Variants in PLXNB1 observed in about 807,000 individuals in gnomAD.
The protein encoded by PLXNB1 is plexin-B1.
In PLXNB1, 106 loss-of-function variants were observed where a neutral mutation model predicts 209.4. The observed-to-expected ratio is 0.51, with a 90% CI of 0.43 to 0.59. The LOEUF (loss-of-function observed/expected upper bound fraction) is 0.59, where lower values mean the gene tolerates loss of function less well. Ranked by LOEUF, PLXNB1 falls within the 20% of genes least tolerant of loss-of-function variation. PLXNB1 has a pLI of 0.00. For synonymous variants in PLXNB1, 1,167 were observed against 1,183.2 expected (o/e 0.99, Z 0.28); for missense variants, 2,357 against 2,853.2 (o/e 0.83, Z 3.96).
At position 48,419,717 on chromosome 3, in the gene PLXNB1, C is replaced by A. The variant is rs2038360839; in HGVS notation, c.2569G>T (p.Gly857Trp). The change falls in exon 11 of 38, where the codon GGG (glycine) becomes TGG (tryptophan). Residue 857 changes from glycine to tryptophan, a missense_variant. Physicochemically the swap from Gly to Trp is radical, Grantham distance 184 (BLOSUM62 -2). Around this residue, in one of 7 missense-constraint regions of PLXNB1, gnomAD observed 410 missense variants for 401.0 expected, o/e 1.02. Coordinates refer to ENST00000296440, the MANE Select transcript of PLXNB1 (RefSeq NM_001130082.3). This position sits in a 1 kb window ranked among gnomAD's most constrained non-coding sequence, Gnocchi z 5.7. ...GELPEADEWT[G>W]GDAPAFSTST... is the part of the protein sequence containing the mutation. The stretch of plus-strand genomic sequence containing the variant: ...GTGGAGAAGGCGGGTGCGTCACCCC[C>A]CGTCCACTCGTCCGCCTCGGGCAGC... 2 of 1,611,856 alleles carry A rather than the reference C, an allele frequency of 1.2e-6. No individual in the cohort carries two copies. Among genetic ancestry groups the A allele is most frequent in the Non-Finnish European group, 1.7e-6 (2 of 1,179,746 alleles).
At position 48,413,017 on chromosome 3, in the gene PLXNB1, G is replaced by A; in HGVS notation, c.4636+52C>T. On this transcript the variant is annotated intron_variant, in intron 24 of 37. Coordinates refer to ENST00000296440, the MANE Select transcript of PLXNB1 (RefSeq NM_001130082.3). The surrounding 1 kb of genome is among the most constrained non-coding windows in gnomAD (Gnocchi z 5.4). Reference sequence around the variant, plus strand: ...GTTAAGCACCAATCCCGTGTGATGGGAGTGGGTTTGGGCAGAGTTCTGGAG... The same window carrying A: ...GTTAAGCACCAATCCCGTGTGATGGAAGTGGGTTTGGGCAGAGTTCTGGAG... The A allele has an allele frequency of 2.5e-6, 4 of 1,607,420 alleles. No homozygotes were observed. Among genetic ancestry groups the A allele is most frequent in the Non-Finnish European group, 3.4e-6 (4 of 1,173,958 alleles).
chr3:48,405,751 G>A lies in PLXNB1; in HGVS notation c.6276C>T (p.Tyr2092=). 2 of 1,613,796 alleles carry A rather than the reference G, an allele frequency of 1.2e-6. No homozygotes were observed. Among genetic ancestry groups the A allele is most frequent in the South Asian group, 2.2e-5 (2 of 91,066 alleles). Residue 2092 remains tyrosine, a synonymous_variant, in exon 37 of 38, where the codon TAC becomes TAT. Transcript: ENST00000296440. This position sits in a 1 kb window ranked among gnomAD's most constrained non-coding sequence, Gnocchi z 5.0. The part of the protein sequence containing the change: ...LGARVALHEL[Y]KYINKYYDQI... Reference sequence around the variant, plus strand: ...GGTCATAGTACTTGTTGATGTACTTGTAGAGTTCATGCAGGGCCACTCGCG... The same window carrying A: ...GGTCATAGTACTTGTTGATGTACTTATAGAGTTCATGCAGGGCCACTCGCG...
At position 48,422,795 on chromosome 3, in the gene PLXNB1, G is replaced by A. The variant is rs774165985; in HGVS notation, c.1260C>T (p.Phe420=). ...VTMEDGHTIA[F]LGDSQGQLHR... is the part of the protein sequence containing the mutation. ...GCAGCTGCCCTTGACTATCACCCAG[G>A]AAAGCGATGGTGTGTCCATCTTCCA... Residue 420 remains phenylalanine (F), a synonymous_variant, in exon 4 of 38, where the codon TTC becomes TTT. Transcript: ENST00000296440. The A allele has an allele frequency of 1.2e-6, 2 of 1,614,086 alleles. No homozygotes were observed. The highest frequency in any genetic ancestry group is 2.2e-5 in the East Asian group (1 of 44,886).
At position 48,420,941 on chromosome 3, in the gene PLXNB1, C is replaced by A; in HGVS notation, c.1826G>T (p.Ser609Ile). The stretch of plus-strand genomic sequence containing the variant: ...AACAGCGCCAAATCTGAGCTCCACG[C>A]TCACGGATACGTAGTCTGCAGAGGG... ...LPRGADYVSV[S>I]VELRFGAVVI... is the part of the protein sequence containing the mutation. Residue 609 changes from serine to isoleucine, a missense_variant, in exon 9 of 38, where the codon AGC (serine) becomes ATC (isoleucine). By Grantham distance (142) the Ser-to-Ile change is moderately radical. Transcript: ENST00000296440. 1 of 1,613,694 alleles carries A rather than the reference C, an allele frequency of 6.2e-7. No homozygotes were observed.
At position 48,423,748 on chromosome 3, in the gene PLXNB1, C is replaced by T. The variant is rs758795276; in HGVS notation, c.864G>A (p.Ala288=). The T allele has an allele frequency of 2.2e-5, 35 of 1,613,752 alleles. No homozygotes were observed. The highest frequency in any genetic ancestry group is 3.3e-5 in the Admixed American group (2 of 60,010). Residue 288 remains alanine (A), a synonymous_variant, in exon 3 of 38, where the codon GCG becomes GCA. Transcript: ENST00000296440. ...AAGCTGCAAAGAGCACCTCCCCATG[C>T]GCCACCTCCCTGGACGTGGCCACAG... ...AAAVATSREV[A]HGEVLFAAFS...
In PLXNB1 at chr3:48,414,009, G is replaced by A; in HGVS notation, c.4272C>T (p.Pro1424=). 6.2e-7 allele frequency: 1 copy of A among 1,613,974 alleles called. No individual in the cohort carries two copies. The highest frequency in any genetic ancestry group is 2.2e-5 in the East Asian group (1 of 44,884). Residue 1424 remains proline (P), a synonymous_variant, in exon 22 of 38, where the codon CCC becomes CCT. Transcript: ENST00000296440. The stretch of plus-strand genomic sequence containing the variant: ...GCCGCGTCAGCGTCTTCACCACACA[G>A]GGGCCATCCCCTATCATAGCCACCA... The part of the protein sequence containing the change: ...EEVVAMIGDG[P]CVVKTLTRHH...
rs1355726345 is a variant in PLXNB1 at position 48,418,406 on chromosome 3, G to T, written c.3049+43C>A. The T allele has an allele frequency of 1.2e-6, 2 of 1,612,960 alleles. No homozygotes were observed. The highest frequency in any genetic ancestry group is 1.6e-4 in the Middle Eastern group (1 of 6,084). On this transcript the variant is annotated intron_variant, in intron 14 of 37. Transcript: ENST00000296440. This position sits in a 1 kb window ranked among gnomAD's most constrained non-coding sequence, Gnocchi z 6.6. ...ACACGTGAGAGGCAGGCCTGGGAGA[G>T]CCCTGCTACCACCGCCAGCCCAGCA...
Position 48,410,744 on chromosome 3 carries a change from C to T in PLXNB1, c.5416+124G>A, listed in dbSNP as rs2037625835. ...CTGTCCAAGAAAGATGTTCCAAAGCCAGCTTCTGCCTGCCTCCCAGCATCC... is the reference window on the plus strand; with the variant it reads ...CTGTCCAAGAAAGATGTTCCAAAGCTAGCTTCTGCCTGCCTCCCAGCATCC... On this transcript the variant is annotated intron_variant, in intron 29 of 37. Transcript: ENST00000296440. This position sits in a 1 kb window ranked among gnomAD's most constrained non-coding sequence, Gnocchi z 6.4. 3.7e-6 allele frequency: 4 copies of T among 1,068,142 alleles called. No homozygotes were observed. Among genetic ancestry groups the T allele is most frequent in the Non-Finnish European group, 5.4e-6 (4 of 739,764 alleles). The allele number at this position is 1,068,142 out of a possible 1,614,324, so 66.2% of individuals were successfully genotyped here. A position where few individuals can be genotyped will look rare whatever the true frequency, so the allele number is the denominator to read the frequency against.
At chr3:48,407,172 T>C in intron 34 of PLXNB1, 81 bp from the exon 35 acceptor site, 1 of 1,277,562 alleles carries the variant, frequency 7.8e-7, no homozygotes, top group South Asian at 1.2e-5. Flanking sequence ...GTCCTGGGTT[T>C]CCCAGTACTG....
chr3:48,421,427 G>C lies in PLXNB1; in HGVS notation c.1654-43C>G, dbSNP rs754461100. ...GACACACTGTTGGGGCTAGTGGGCA[G>C]CAGACCAGGGCTCACATTTATGGGA... On this transcript the variant is annotated intron_variant, in intron 7 of 37. Coordinates refer to ENST00000296440, the MANE Select transcript of PLXNB1 (RefSeq NM_001130082.3). 6 of 1,507,660 alleles carry C rather than the reference G, an allele frequency of 4.0e-6. No homozygotes were observed. The South Asian group carries it at 8.1e-5, about 20-fold the overall frequency. 93.4% of individuals were successfully genotyped at this position (1,507,660 alleles called of 1,614,324 possible).
At position 48,418,364 on chromosome 3, in the gene PLXNB1, C is replaced by T; in HGVS notation, c.3050-1G>A. The T allele has an allele frequency of 6.2e-7, 1 of 1,613,658 alleles. No homozygotes were observed. The highest frequency in any genetic ancestry group is 8.5e-7 in the Non-Finnish European group (1 of 1,180,022). On this transcript the variant is annotated splice_acceptor_variant, in intron 14 of 37. Transcript: ENST00000296440. LOFTEE classifies it high-confidence loss of function. The surrounding 1 kb of genome is among the most constrained non-coding windows in gnomAD (Gnocchi z 6.6). ...CCCACGGAACAGTCATACAGTACCA[C>T]TGGGGGTGGCAGAGACACACGTGAG...
At position 48,404,112 on chromosome 3, in the gene PLXNB1, G is replaced by A. The variant is rs1029991326; in HGVS notation, c.*374C>T. The A allele has an allele frequency of 5.6e-5, 11 of 194,754 alleles. 1 individual carries two copies. The highest frequency in any genetic ancestry group is 4.1e-3 in the Middle Eastern group (2 of 482). 12.1% of individuals were successfully genotyped at this position (194,754 alleles called of 1,614,324 possible). A position where few individuals can be genotyped will look rare whatever the true frequency, so the allele number is the denominator to read the frequency against. On this transcript the variant is annotated 3_prime_UTR_variant, in exon 38 of 38. Transcript: ENST00000296440. ...GTGGAGGAGGCAGACAGGAAGCATG[G>A]GGCTCTCCTCCTTCCTCTCCGAATC...
At position 48,412,423 on chromosome 3, in the gene PLXNB1, C is replaced by T. The variant is rs1273451006; in HGVS notation, c.5033+19G>A. On this transcript the variant is annotated intron_variant, in intron 26 of 37. Coordinates refer to ENST00000296440, the MANE Select transcript of PLXNB1 (RefSeq NM_001130082.3). ...CTCCAGCTGTCCAGGGCCCACCCAG[C>T]CCCAACAGCCACACAGACCTGCGCA... 6.2e-7 allele frequency: 1 copy of T among 1,612,352 alleles called. No individual in the cohort carries two copies. The highest frequency in any genetic ancestry group is 2.2e-5 in the East Asian group (1 of 44,856).
Position 48,404,190 on chromosome 3 carries a change from G to A in PLXNB1, c.*296C>T, listed in dbSNP as rs2037174206. The A allele has an allele frequency of 2.5e-6, 1 of 396,908 alleles. No homozygotes were observed. The allele number at this position is 396,908 out of a possible 1,614,324, so 24.6% of individuals were successfully genotyped here. A position where few individuals can be genotyped will look rare whatever the true frequency, so the allele number is the denominator to read the frequency against. Reference sequence around the variant, plus strand: ...AACAGTACAGTCTCCCCAGGGGCCTGGAGTCTCTTCCAGCCACTCTCTGGA... The same window carrying A: ...AACAGTACAGTCTCCCCAGGGGCCTAGAGTCTCTTCCAGCCACTCTCTGGA... On this transcript the variant is annotated 3_prime_UTR_variant, in exon 38 of 38. Transcript: ENST00000296440.
chr3:48,422,480 G>A lies in PLXNB1; in HGVS notation c.1291-21C>T, dbSNP rs375664350. On this transcript the variant is annotated intron_variant, in intron 4 of 37. Transcript: ENST00000296440. ...TAGACCTGGGATCAGAGACCACAGG[G>A]TCTGGGACCCAAGTCCATGGCCAGA... 8.3e-6 allele frequency: 13 copies of A among 1,559,938 alleles called. No homozygotes were observed. In the African/African-American group the frequency reaches 1.4e-4, roughly 16 times the overall value.
intron 5 of PLXNB1, 26 bp downstream of exon 5, chr3:48,422,305 T>A (rs746851962): frequency 6.2e-7 from 1 of 1,610,360 alleles, no homozygotes; most frequent in African/African-American, 1.3e-5. Flanking sequence ...CCAGCAGCCA[T>A]GCCCTGGCTT....
Position 48,413,715 on chromosome 3 carries a change from G to A in PLXNB1, c.4490C>T (p.Thr1497Ile). ...GATGACACCCAGAGCCAGAAGAGAG[G>A]TGCCCACCCCCAAGCCCACCTGGGC... ...VAAQVGLGVG[T>I]SLLALGVIII... The change falls in exon 23 of 38, where the codon ACC becomes ATC. Residue 1497 changes from threonine (T) to isoleucine (I), a missense_variant. Thr to Ile is a moderately conservative substitution (Grantham distance 89). Around this residue, in one of 7 missense-constraint regions of PLXNB1, gnomAD observed 743 missense variants for 896.2 expected, o/e 0.83. Transcript: ENST00000296440. The surrounding 1 kb of genome is among the most constrained non-coding windows in gnomAD (Gnocchi z 5.4). 1 of 1,613,616 alleles carries A rather than the reference G, an allele frequency of 6.2e-7. No homozygotes were observed. Among genetic ancestry groups the A allele is most frequent in the Non-Finnish European group, 8.5e-7 (1 of 1,180,006 alleles).
chr3:48,410,698 ACC>A lies in PLXNB1; in HGVS notation c.5417-142_5417-141del. 1 of 933,660 alleles carries A rather than the reference ACC, an allele frequency of 1.1e-6. No homozygotes were observed. The highest frequency in any genetic ancestry group is 1.6e-6 in the Non-Finnish European group (1 of 613,334). The allele number at this position is 933,660 out of a possible 1,614,324, so 57.8% of individuals were successfully genotyped here. A position where few individuals can be genotyped will look rare whatever the true frequency, so the allele number is the denominator to read the frequency against. The stretch of plus-strand genomic sequence containing the variant: ...ACCTCTCCAAAGACCAAGAGCAGGG[ACC>A]CCCTCCCCAGATGAGAGGCTGTCCA... On this transcript the variant is annotated intron_variant, in intron 29 of 37. Transcript: ENST00000296440. This position sits in a 1 kb window ranked among gnomAD's most constrained non-coding sequence, Gnocchi z 6.4.
At position 48,415,420 on chromosome 3, in the gene PLXNB1, G is replaced by A. The variant is rs1050978757; in HGVS notation, c.3795-73C>T. On this transcript the variant is annotated intron_variant, in intron 19 of 37. Coordinates refer to ENST00000296440, the MANE Select transcript of PLXNB1 (RefSeq NM_001130082.3). This position sits in a 1 kb window ranked among gnomAD's most constrained non-coding sequence, Gnocchi z 5.0. ...TGGACCTAAAGCACAGCCCAGTCCCGGCTAGGTCAGCTCAGCCCCAGCCCC... is the reference window on the plus strand; with the variant it reads ...TGGACCTAAAGCACAGCCCAGTCCCAGCTAGGTCAGCTCAGCCCCAGCCCC... 1.8e-5 allele frequency: 27 copies of A among 1,518,152 alleles called. No individual in the cohort carries two copies. Among genetic ancestry groups the A allele is most frequent in the East Asian group, 1.2e-4 (5 of 41,780 alleles). The allele number at this position is 1,518,152 out of a possible 1,614,324, so 94.0% of individuals were successfully genotyped here.
Sources: allele counts gnomAD v4.1 joint callset, GRCh38; gene constraint gnomAD v4.1.1; regional missense constraint gnomAD v4.1.1; non-coding constraint Gnocchi (gnomAD v3.1); transcripts MANE v1.5; gene names NCBI Gene and HGNC (gene_info 2026-07-23, HGNC 2026-07-21).